The following TTN variants were observed in gnomAD, a reference collection of about 807,000 sequenced individuals.
The protein encoded by TTN is titin.
In TTN, 1,525 loss-of-function variants were observed where a neutral mutation model predicts 3,223.0. That is an observed-to-expected ratio of 0.47 (90% CI 0.45 to 0.49). The LOEUF (loss-of-function observed/expected upper bound fraction) is 0.49, where lower values mean the gene tolerates loss of function less well. TTN is among the 20% of genes least tolerant of loss of function. The pLI, the probability that TTN is intolerant of heterozygous loss-of-function variation, is 0.00. For synonymous variants in TTN, 14,094 were observed against 15,161.0 expected (o/e 0.93, Z 5.17); for missense variants, 40,786 against 43,424.0 (o/e 0.94, Z 5.40).
In TTN at chr2:178,630,813, G is replaced by A. The variant is rs753596435; in HGVS notation, c.44145C>T (p.Leu14715=). Residue 14715 remains leucine (L), a synonymous_variant, in exon 238 of 363, where the codon CTC becomes CTT. Transcript: ENST00000589042. ...TCAGAAATAGCCTTACAGGTGTTTG[G>A]AGTAGGGCCTCTCCCTTGAGTTTCC... ...ANWKLKGEAL[L]QTPDCEIKEE... The A allele has an allele frequency of 8.1e-6, 13 of 1,612,650 alleles. No individual in the cohort carries two copies. In the Admixed American group the frequency reaches 1.0e-4, roughly 12 times the overall value.
Position 178,528,301 on chromosome 2 carries a change from A to G in TTN, c.107350T>C (p.Ser35784Pro). Reference sequence around the variant, plus strand: ...AGGACCATTAAGGAAGCTGTAGCTGAACACTGGCCACGGAAATTTTTGGCC... The same window carrying G: ...AGGACCATTAAGGAAGCTGTAGCTGGACACTGGCCACGGAAATTTTTGGCC... ...IKAKNFRGQC[S>P]ATASLMVLPL... The change falls in exon 361 of 363, where the codon TCA becomes CCA. Residue 35784 changes from serine (S) to proline (P), a missense_variant. Transcript: ENST00000589042. 1 of 1,613,934 alleles carries G rather than the reference A, an allele frequency of 6.2e-7. No homozygotes were observed.
chr2:178,665,038 C>T lies in TTN; in HGVS notation c.36044-112G>A. ...TTTTCTTCTCTTTCCTCCATCCTCC[C>T]TTTGTTCCACCAATAGGCTAAGTCT... is the stretch of plus-strand genomic sequence containing the variant. On this transcript the variant is annotated intron_variant, in intron 165 of 362. Transcript: ENST00000589042. 3 of 1,255,574 alleles carry T rather than the reference C, an allele frequency of 2.4e-6. No individual in the cohort carries two copies. In the Admixed American group the frequency reaches 6.5e-5, roughly 27 times the overall value. 77.8% of individuals were successfully genotyped at this position (1,255,574 alleles called of 1,614,324 possible).
intron 259 of TTN, 112 bp downstream of exon 259, chr2:178,615,195 C>A: frequency 7.7e-7 from 1 of 1,306,358 alleles, no homozygotes; most frequent in Non-Finnish European, 1.1e-6. Context: ...ACAGATACAC[C>A]GGCAGCATAG....
chr2:178,541,142 A>C (rs868672192), intron 350 of TTN, 140 bp downstream of exon 350: 26 of 858,348 alleles, frequency 3.0e-5, no homozygotes, highest in Non-Finnish European at 3.7e-5. Context: ...GGTAATAAAA[A>C]TATTCCACAT....
chr2:178,590,046 C>G lies in TTN; in HGVS notation c.61679G>C (p.Gly20560Ala), dbSNP rs754293456. 31 of 1,613,130 alleles carry G rather than the reference C, an allele frequency of 1.9e-5. 1 individual carries two copies. The South Asian group carries it at 3.4e-4, about 18-fold the overall frequency. ...GTCAAGGACGTTAACGATGGCTGAA[C>G]CTTGGGCATGTCCACTGCTGTTCTT... is the stretch of plus-strand genomic sequence containing the variant. Reference protein sequence around the residue: ...SAKNSSGHAQGSAIVNVLDRP... With the variant: ...SAKNSSGHAQASAIVNVLDRP... Residue 20560 changes from glycine (G) to alanine (A), a missense_variant, in exon 304 of 363, where the codon GGT becomes GCT. Physicochemically the swap from Gly to Ala is moderately conservative, Grantham distance 60. Coordinates refer to ENST00000589042, the MANE Select transcript of TTN (RefSeq NM_001267550.2).
At position 178,547,242 on chromosome 2, in the gene TTN, C is replaced by T. The variant is rs149375775; in HGVS notation, c.94283G>A (p.Arg31428His). The T allele has an allele frequency of 1.7e-4, 276 of 1,613,786 alleles. 2 individuals carry two copies. The African/African-American group carries it at 2.9e-3, about 17-fold the overall frequency. Residue 31428 changes from arginine (R) to histidine (H), a missense_variant, in exon 340 of 363, where the codon CGT becomes CAT. Physicochemically the swap from Arg to His is conservative, Grantham distance 29. Coordinates refer to ENST00000589042, the MANE Select transcript of TTN (RefSeq NM_001267550.2). Reference sequence around the variant, plus strand: ...ACCATCGTGGTAGGGTTCTTCCCAACGAATAGACATGGCATTGGCAGACAC... The same window carrying T: ...ACCATCGTGGTAGGGTTCTTCCCAATGAATAGACATGGCATTGGCAGACAC... ...YHVSANAMSI[R>H]WEEPYHDGGS...
rs1399114641 is a variant in TTN at position 178,549,305 on chromosome 2, G to C, written c.92321C>G (p.Pro30774Arg). The change falls in exon 339 of 363, where the codon CCA becomes CGA. Residue 30774 changes from proline to arginine, a missense_variant. Pro to Arg is a moderately radical substitution (Grantham distance 103, BLOSUM62 -2). Transcript: ENST00000589042. ...TRWVKVISKR[P>R]ISETRFKVTG... ...GACTTTGAATCTTGTTTCAGAGATTGGTCGTTTGCTGATCACTTTTACCCA... is the reference window on the plus strand; with the variant it reads ...GACTTTGAATCTTGTTTCAGAGATTCGTCGTTTGCTGATCACTTTTACCCA... 1 of 1,613,892 alleles carries C rather than the reference G, an allele frequency of 6.2e-7. No individual in the cohort carries two copies. The highest frequency in any genetic ancestry group is 1.7e-5 in the Admixed American group (1 of 60,008).
intron 282 of TTN, among the ~76,000 whole-genome samples, chr2:178,602,898 T>C (rs2053826850): frequency 6.6e-6 from 1 of 152,038 alleles, no homozygotes; most frequent in Non-Finnish European, 1.5e-5. Flanking sequence ...GAGATCCCTT[T>C]GAAGAAATTC....
At chr2:178,585,723 A>G (rs1324296178) in intron 308 of TTN, among the ~76,000 whole-genome samples, 4 of 152,040 alleles carry the variant, frequency 2.6e-5, no homozygotes, top group Non-Finnish European at 5.9e-5. Context: ...TTTGCTGAGA[A>G]TGATGGTTTC....
In TTN at chr2:178,730,333, C is replaced by A. The variant is rs2080216835; in HGVS notation, c.18067G>T (p.Val6023Phe). The change falls in exon 62 of 363, where the codon GTC (valine) becomes TTC (phenylalanine). Residue 6023 changes from valine to phenylalanine, a missense_variant. Val to Phe is a conservative substitution (Grantham distance 50). Transcript: ENST00000589042. The part of the protein sequence containing the change: ...YFVEKPQSQD[V>F]NPNTRVQLKA... ...AACTGTACCCTTGTGTTGGGATTGA[C>A]ATCTTGTGACTGTGGCTTTTCCACA... The A allele has an allele frequency of 6.2e-7, 1 of 1,608,474 alleles. No homozygotes were observed. Among genetic ancestry groups the A allele is most frequent in the Non-Finnish European group, 8.5e-7 (1 of 1,176,814 alleles).
At position 178,535,695 on chromosome 2, in the gene TTN, G is replaced by A; in HGVS notation, c.100920C>T (p.Gly33640=). The change falls in exon 358 of 363, where the codon GGC becomes GGT. Residue 33640 remains glycine (G), a synonymous_variant. Coordinates refer to ENST00000589042, the MANE Select transcript of TTN (RefSeq NM_001267550.2). ...ATCTTGTGACAATAACTTGGTAGTG[G>A]CCATTATTGTCAATGAGATCTTGTC... ...QKGQDLIDNN[G]HYQVIVTRSF... 6.2e-7 allele frequency: 1 copy of A among 1,613,708 alleles called. No homozygotes were observed.
chr2:178,726,018 A>G lies in TTN; in HGVS notation c.20304T>C (p.Pro6768=). 1 of 1,551,216 alleles carries G rather than the reference A, an allele frequency of 6.4e-7. No individual in the cohort carries two copies. The highest frequency in any genetic ancestry group is 8.7e-7 in the Non-Finnish European group (1 of 1,146,042). The change falls in exon 70 of 363, where the codon CCT becomes CCC. Residue 6768 remains proline, a synonymous_variant. Coordinates refer to ENST00000589042, the MANE Select transcript of TTN (RefSeq NM_001267550.2). Reference sequence around the variant, plus strand: ...CAGCATTTTTAAGGGTTTCTACTATAGGAGGGAAGCTGCTAAAAACAGGTG... The same window carrying G: ...CAGCATTTTTAAGGGTTTCTACTATGGGAGGGAAGCTGCTAAAAACAGGTG... ...KEPPVFSSFP[P]IVETLKNAEV... is the part of the protein sequence containing the mutation.
At position 178,694,853 on chromosome 2, in the gene TTN, C is replaced by T. The variant is rs1039659323; in HGVS notation, c.31324G>A (p.Glu10442Lys). ...CCTTTGGTGACTTGAACTTTTTCTT[C>T]CTCCATTCTTCGAGAAGTCTTTTCA... ...KIEKTSRRME[E>K]EKVQVTKVPE... Residue 10442 changes from glutamate to lysine, a missense_variant, in exon 116 of 363, where the codon GAA becomes AAA. Physicochemically the swap from Glu to Lys is moderately conservative, Grantham distance 56. Transcript: ENST00000589042. 4.5e-6 allele frequency: 7 copies of T among 1,559,618 alleles called. No homozygotes were observed. Among genetic ancestry groups the T allele is most frequent in the Non-Finnish European group, 6.1e-6 (7 of 1,150,104 alleles).
Position 178,536,290 on chromosome 2 carries a change from G to C in TTN, c.100457C>G (p.Thr33486Ser). Reference protein sequence around the residue: ...SEWSEISEPITPKSDVPIQAP... With the variant: ...SEWSEISEPISPKSDVPIQAP... ...CTGAATTGGGACATCAGATTTGGGA[G>C]TGATGGGTTCTGATATTTCACTCCA... Residue 33486 changes from threonine (T) to serine (S), a missense_variant, in exon 357 of 363, where the codon ACT (threonine) becomes AGT (serine). By Grantham distance (58) the Thr-to-Ser change is moderately conservative. Coordinates refer to ENST00000589042, the MANE Select transcript of TTN (RefSeq NM_001267550.2). The C allele has an allele frequency of 6.2e-7, 1 of 1,613,702 alleles. No individual in the cohort carries two copies. Among genetic ancestry groups the C allele is most frequent in the South Asian group, 1.1e-5 (1 of 91,072 alleles).
At position 178,649,906 on chromosome 2, in the gene TTN, G is replaced by A; in HGVS notation, c.39818-12C>T. On this transcript the variant is annotated splice_polypyrimidine_tract_variant and intron_variant, in intron 210 of 362. Transcript: ENST00000589042. ...GGGCTCTTCAGGCACTTGAATAATA[G>A]GAATTTCTTTTAGAATTAGGTGATT... The A allele has an allele frequency of 6.3e-7, 1 of 1,597,842 alleles. No homozygotes were observed. The highest frequency in any genetic ancestry group is 8.5e-7 in the Non-Finnish European group (1 of 1,175,722).
rs72650003 is a variant in TTN at position 178,706,696 on chromosome 2, G to T, written c.29178C>A (p.Ile9726=). 6,526 of 1,612,982 alleles carry T rather than the reference G, an allele frequency of 4.0e-3. 51 individuals are homozygous for T. The highest frequency in any genetic ancestry group is 0.037 in the East Asian group (1,649 of 44,870). ...TFIAKVGGDP[I]PNVKWTKGKW... is the part of the protein sequence containing the mutation. ...TCCCTTTTGTCCATTTAACATTTGGGATTGGGTCACCTCCAACTTTTGCAA... is the reference window on the plus strand; with the variant it reads ...TCCCTTTTGTCCATTTAACATTTGGTATTGGGTCACCTCCAACTTTTGCAA... The change falls in exon 102 of 363, where the codon ATC becomes ATA. Residue 9726 remains isoleucine (I), a synonymous_variant. Coordinates refer to ENST00000589042, the MANE Select transcript of TTN (RefSeq NM_001267550.2).
chr2:178,530,518 C>T lies in TTN; in HGVS notation c.106097G>A (p.Gly35366Glu). Residue 35366 changes from glycine to glutamate, a missense_variant, in exon 358 of 363, where the codon GGA becomes GAA. Physicochemically the swap from Gly to Glu is moderately conservative, Grantham distance 98. Coordinates refer to ENST00000589042, the MANE Select transcript of TTN (RefSeq NM_001267550.2). ...EYVCEISGEG[G>E]TSKTNLQFMG... ...AAATTGTAAGTTGGTTTTAGACGTT[C>T]CACCTTCACCAGAAATCTCACAAAC... is the stretch of plus-strand genomic sequence containing the variant. The T allele has an allele frequency of 6.2e-7, 1 of 1,613,962 alleles. No individual in the cohort carries two copies. Among genetic ancestry groups the T allele is most frequent in the Non-Finnish European group, 8.5e-7 (1 of 1,179,888 alleles).
Position 178,664,021 on chromosome 2 carries a change from C to G in TTN, c.36358G>C (p.Val12120Leu), listed in dbSNP as rs1386280914. The G allele has an allele frequency of 1.9e-6, 3 of 1,613,236 alleles. No homozygotes were observed. The highest frequency in any genetic ancestry group is 1.6e-4 in the Middle Eastern group (1 of 6,062). ...VPPKKPEVPP[V>L]KVPEASKEVI... Reference sequence around the variant, plus strand: ...TAAAGTCAGTGACAAATACCTTTAACAGGTGGGACTTCAGGCTTTTTAGGA... The same window carrying G: ...TAAAGTCAGTGACAAATACCTTTAAGAGGTGGGACTTCAGGCTTTTTAGGA... The change falls in exon 169 of 363, where the codon GTT becomes CTT. Residue 12120 changes from valine (V) to leucine (L), a missense_variant. Val to Leu is a conservative substitution (Grantham distance 32). Transcript: ENST00000589042.
In TTN at chr2:178,570,635, G is replaced by A. The variant is rs753641145; in HGVS notation, c.75497C>T (p.Ala25166Val). 12 of 1,613,440 alleles carry A rather than the reference G, an allele frequency of 7.4e-6. No homozygotes were observed. Among genetic ancestry groups the A allele is most frequent in the Non-Finnish European group, 1.0e-5 (12 of 1,179,608 alleles). Reference protein sequence around the residue: ...ARLEIKSTDFATSLSVKDAVR... With the variant: ...ARLEIKSTDFVTSLSVKDAVR... Reference sequence around the variant, plus strand: ...TGCATCTTTTACACTGAGACTGGTGGCAAAGTCGGTGCTCTTTATTTCTAA... The same window carrying A: ...TGCATCTTTTACACTGAGACTGGTGACAAAGTCGGTGCTCTTTATTTCTAA... The change falls in exon 326 of 363, where the codon GCC becomes GTC. Residue 25166 changes from alanine to valine, a missense_variant. Ala to Val is a moderately conservative substitution (Grantham distance 64, BLOSUM62 0). Transcript: ENST00000589042.
Sources: allele counts gnomAD v4.1 joint callset (sites outside exome capture counted in the v4.1 genomes callset), GRCh38; gene constraint gnomAD v4.1.1; transcripts MANE v1.5; gene names NCBI Gene and HGNC (gene_info 2026-07-23, HGNC 2026-07-21).